INTS3: variants seen among roughly 807,000 people sequenced by gnomAD.
The protein encoded by INTS3 is SOSS complex subunit A.
A neutral mutation model predicts 146.3 loss-of-function variants in INTS3; 34 were observed. That is an observed-to-expected ratio of 0.23 (90% CI 0.18 to 0.31). The LOEUF is 0.31. INTS3 is among the 10% of genes least tolerant of loss of function. The pLI, the probability that INTS3 is intolerant of heterozygous loss-of-function variation, is 1.00. For missense variants in INTS3, 757 were observed against 1,304.2 expected, an observed-to-expected ratio of 0.58 and a Z score of 6.46; for synonymous variants, 475 against 494.9, an observed-to-expected ratio of 0.96 and a Z score of 0.53.
In INTS3 at chr1:153,772,943, C is replaced by T. The variant is rs751988660; in HGVS notation, c.2913C>T (p.Ser971=). The change falls in exon 29 of 30, where the codon TCC becomes TCT. Residue 971 remains serine, a synonymous_variant. Transcript: ENST00000318967. The surrounding 1 kb of genome is among the most constrained non-coding windows in gnomAD (Gnocchi z 4.6). ...AHKMKFSDLF[S]LAEEYEDSST... is the part of the protein sequence containing the mutation. ...TCCTTAGATTCAGTGATCTCTTCTC[C>T]CTGGCGGAGGAATATGAGGACTCTT... 1.9e-6 allele frequency: 3 copies of T among 1,614,152 alleles called. No homozygotes were observed. The highest frequency in any genetic ancestry group is 8.5e-7 in the Non-Finnish European group (1 of 1,180,036).
intron 1 of INTS3, among the ~76,000 whole-genome samples, chr1:153,739,133 G>A (rs1557990003): frequency 1.3e-5 from 2 of 151,830 alleles, no homozygotes; most frequent in South Asian, 2.1e-4. Flanking sequence ...GCATGATCTC[G>A]GTTCACGGCA....
rs1671760994 is a variant in INTS3 at position 153,746,750 on chromosome 1, C to T, written c.319-207C>T. On this transcript the variant is annotated intron_variant, in intron 3 of 29. Transcript: ENST00000318967. ...TAAAGGATAACCAGTACCTTTTCCC[C>T]ACTCTGTGTGACAGAACAAGGGATA... 3.7e-5 allele frequency: 20 copies of T among 535,948 alleles called. 2 individuals are homozygous for T. In the South Asian group the frequency reaches 5.1e-4, roughly 14 times the overall value. The allele number at this position is 535,948 out of a possible 1,614,324, so 33.2% of individuals were successfully genotyped here. A position where few individuals can be genotyped will look rare whatever the true frequency, so the allele number is the denominator to read the frequency against.
At chr1:153,756,595 C>G (rs1672170865) in intron 9 of INTS3, among the ~76,000 whole-genome samples, 2 of 152,042 alleles carry the variant, frequency 1.3e-5, no homozygotes, top group Non-Finnish European at 2.9e-5. Flanking sequence ...GCGGGTGGAT[C>G]ACTTGAGAGC....
chr1:153,733,413 A>C (rs570790872), intron 1 of INTS3, among the ~76,000 whole-genome samples: 1 of 150,384 alleles, frequency 6.6e-6, no homozygotes, highest in Non-Finnish European at 1.5e-5. Flanking sequence ...GGGTTTCACC[A>C]TGTTGTCCAG....
In INTS3 at chr1:153,771,929, A is replaced by T; in HGVS notation, c.2686A>T (p.Ile896Phe). 1 of 1,613,944 alleles carries T rather than the reference A, an allele frequency of 6.2e-7. No individual in the cohort carries two copies. Among genetic ancestry groups the T allele is most frequent in the Non-Finnish European group, 8.5e-7 (1 of 1,179,952 alleles). The part of the protein sequence containing the change: ...LLAEHIKSLL[I>F]KNNSLPRKRQ... ...GGCCGAGCACATCAAGTCCCTGCTC[A>T]TCAAGAACAACAGCCTGCCTCGCAA... The change falls in exon 26 of 30, where the codon ATC becomes TTC. Residue 896 changes from isoleucine (I) to phenylalanine (F), a missense_variant. Coordinates refer to ENST00000318967, the MANE Select transcript of INTS3 (RefSeq NM_023015.5).
In INTS3 at chr1:153,762,839, A is replaced by G. The variant is rs571413749; in HGVS notation, c.1628A>G (p.Asn543Ser). The change falls in exon 15 of 30, where the codon AAC (asparagine) becomes AGC (serine). Residue 543 changes from asparagine (N) to serine (S), a missense_variant. This residue lies in a region of INTS3 where 89 missense variants were observed against 210.9 expected (regional missense o/e 0.42). Transcript: ENST00000318967. ...AAFSDDEEDL[N>S]SKGKKREFRF... Reference sequence around the variant, plus strand: ...TTCAGTGACGATGAAGAGGATCTCAACAGCAAAGGTGAGGCCATCAGCAAG... The same window carrying G: ...TTCAGTGACGATGAAGAGGATCTCAGCAGCAAAGGTGAGGCCATCAGCAAG... The G allele has an allele frequency of 1.5e-5, 24 of 1,614,072 alleles. No individual in the cohort carries two copies. In the East Asian group the frequency reaches 2.2e-4, roughly 15 times the overall value.
chr1:153,733,851 C>G (rs911327817), intron 1 of INTS3, among the ~76,000 whole-genome samples: 1 of 152,100 alleles, frequency 6.6e-6, no homozygotes, highest in Non-Finnish European at 1.5e-5. Context: ...GATTCGCCCC[C>G]CTCAGCCTCC....
intron 1 of INTS3, among the ~76,000 whole-genome samples, chr1:153,739,963 G>A (rs1158094782): frequency 6.6e-6 from 1 of 150,378 alleles, no homozygotes; most frequent in Non-Finnish European, 1.5e-5. Context: ...ACCATGCCCG[G>A]CTAATTTTTT....
Position 153,728,223 on chromosome 1 carries a change from C to T in INTS3, c.-412C>T, listed in dbSNP as rs1447360139. 2 of 396,628 alleles carry T rather than the reference C, an allele frequency of 5.0e-6. No individual in the cohort carries two copies. Among genetic ancestry groups the T allele is most frequent in the Non-Finnish European group, 8.9e-6 (2 of 224,862 alleles). The allele number at this position is 396,628 out of a possible 1,614,324, so 24.6% of individuals were successfully genotyped here. On this transcript the variant is annotated 5_prime_UTR_variant, in exon 1 of 30. Transcript: ENST00000318967. ...CATCAGCCAGGAAGGTTTCCTACCT[C>T]CTAATTCAGGGGCAGGACTCCTCTT...
chr1:153,747,637 C>T, intron 5 of INTS3: 1 of 493,446 alleles, frequency 2.0e-6, no homozygotes, highest in Non-Finnish European at 3.7e-6. Flanking sequence ...CCAGTCTTCA[C>T]TCTGAGATTT....
chr1:153,773,369 T>C lies in INTS3; in HGVS notation c.*99T>C. The C allele has an allele frequency of 1.8e-6, 2 of 1,136,806 alleles. No homozygotes were observed. The highest frequency in any genetic ancestry group is 1.3e-6 in the Non-Finnish European group (1 of 753,326). 70.4% of individuals were successfully genotyped at this position (1,136,806 alleles called of 1,614,324 possible). A position where few individuals can be genotyped will look rare whatever the true frequency, so the allele number is the denominator to read the frequency against. On this transcript the variant is annotated 3_prime_UTR_variant, in exon 30 of 30. Transcript: ENST00000318967. ...TGAGGAGATTGCAGGGGAAACACCC[T>C]TGCTGCATCCCCAAGCTCCCCCGGT...
intron 1 of INTS3, among the ~76,000 whole-genome samples, chr1:153,731,579 C>CTTTTTTTTTT (rs71093282): frequency 7.7e-6 from 1 of 129,828 alleles, no homozygotes; most frequent in African/African-American, 3.0e-5. Flanking sequence ...AGAGCGTCCT[C>CTTTTTTTTTT]TTTTTTTTTT....
At position 153,757,157 on chromosome 1, in the gene INTS3, T is replaced by A. The variant is rs570623572; in HGVS notation, c.958-415T>A. Among the ~76,000 whole-genome samples the A allele has an allele frequency of 2.0e-5, 3 of 152,232 alleles. No homozygotes were observed. Among genetic ancestry groups the A allele is most frequent in the Non-Finnish European group, 4.4e-5 (3 of 68,048 alleles). ...GCACCAGGAAATTCTCAGTTGATGT[T>A]GAGTGGTGAACAGACCCAGCTCTTA... On this transcript the variant is annotated intron_variant, in intron 9 of 29. Coordinates refer to ENST00000318967, the MANE Select transcript of INTS3 (RefSeq NM_023015.5). The surrounding 1 kb of genome is among the most constrained non-coding windows in gnomAD (Gnocchi z 4.0).
chr1:153,729,712 A>G (rs1047691075), intron 1 of INTS3, among the ~76,000 whole-genome samples: 1 of 152,100 alleles, frequency 6.6e-6, no homozygotes, highest in East Asian at 1.9e-4. Context: ...CTAAAAATGC[A>G]AAAATTAGCT....
In INTS3 at chr1:153,741,430, C is replaced by T. The variant is rs1347371857; in HGVS notation, c.318+62C>T. The T allele has an allele frequency of 4.8e-6, 6 of 1,238,816 alleles. No homozygotes were observed. In the East Asian group the frequency reaches 1.2e-4, roughly 24 times the overall value. 76.7% of individuals were successfully genotyped at this position (1,238,816 alleles called of 1,614,324 possible). A position where few individuals can be genotyped will look rare whatever the true frequency, so the allele number is the denominator to read the frequency against. ...ATATATGATCTGGGATATGGTGGAA[C>T]TTACAGTTTAACTGGGGTAGTATGA... On this transcript the variant is annotated intron_variant, in intron 3 of 29. Coordinates refer to ENST00000318967, the MANE Select transcript of INTS3 (RefSeq NM_023015.5).
At chr1:153,734,965 AGTTTTT>A (rs1469703008) in intron 1 of INTS3, among the ~76,000 whole-genome samples, 4 of 152,016 alleles carry the variant, frequency 2.6e-5, no homozygotes, top group Non-Finnish European at 4.4e-5. Context: ...CAAATTGAAT[AGTTTTT>A]GTTTTGTTTT....
rs1672203333 is a variant in INTS3 at position 153,757,469 on chromosome 1, T to TA, written c.958-102dup. 1.1e-6 allele frequency: 1 copy of TA among 882,640 alleles called. No homozygotes were observed. Among genetic ancestry groups the TA allele is most frequent in the Non-Finnish European group, 1.8e-6 (1 of 561,554 alleles). 54.7% of individuals were successfully genotyped at this position (882,640 alleles called of 1,614,324 possible). A position where few individuals can be genotyped will look rare whatever the true frequency, so the allele number is the denominator to read the frequency against. On this transcript the variant is annotated intron_variant, in intron 9 of 29. Transcript: ENST00000318967. This position sits in a 1 kb window ranked among gnomAD's most constrained non-coding sequence, Gnocchi z 4.0. ...AGCTAATGAATGAATTGTGGAGAAATAGAGGTCTAGGGCAAACCTAGAGTT... is the reference window on the plus strand; with the variant it reads ...AGCTAATGAATGAATTGTGGAGAAATAAGAGGTCTAGGGCAAACCTAGAGTT...
At chr1:153,769,746 G>T in intron 22 of INTS3, 23 bp from the exon 23 acceptor site, 5 of 1,569,178 alleles carry the variant, frequency 3.2e-6, no homozygotes, top group Non-Finnish European at 4.4e-6. Flanking sequence ...GATGGGTTCT[G>T]CCTCCTTCCT....
At chr1:153,737,626 G>A (rs1671352383) in intron 1 of INTS3, among the ~76,000 whole-genome samples, 2 of 152,142 alleles carry the variant, frequency 1.3e-5, no homozygotes, top group African/African-American at 4.8e-5. Flanking sequence ...AGCCTTCCAA[G>A]AGGCTAGGAC....
Sources: allele counts gnomAD v4.1 joint callset (sites outside exome capture counted in the v4.1 genomes callset), GRCh38; gene constraint gnomAD v4.1.1; regional missense constraint gnomAD v4.1.1; non-coding constraint Gnocchi (gnomAD v3.1); transcripts MANE v1.5; gene names NCBI Gene and HGNC (gene_info 2026-07-23, HGNC 2026-07-21).